ADGRL3: variants seen among roughly 807,000 people sequenced by gnomAD.
ADGRL3 encodes adhesion G protein-coupled receptor L3.
A neutral mutation model predicts 153.5 loss-of-function variants in ADGRL3; 62 were observed. The ratio of observed to expected loss-of-function variants is 0.40; its 90% CI spans 0.33 to 0.50. The LOEUF (loss-of-function observed/expected upper bound fraction) is 0.50, where lower values mean the gene tolerates loss of function less well. Among genes scored for constraint, ADGRL3 ranks in the 20% least tolerant of loss-of-function variants. The pLI is 0.47. For synonymous variants in ADGRL3, 710 were observed against 672.5 expected (o/e 1.06, Z -0.86); for missense variants, 1,641 against 1,859.4 (o/e 0.88, Z 2.16).
chr4:61,902,269 T>A (rs1214480561), intron 11 of ADGRL3, among the ~76,000 whole-genome samples: 1 of 152,074 alleles, frequency 6.6e-6, no homozygotes, highest in Non-Finnish European at 1.5e-5. Context: ...CAAGAATGGC[T>A]TTTGGTGACT....
intron 9 of ADGRL3, among the ~76,000 whole-genome samples, chr4:61,863,784 G>A (rs769880405): frequency 6.6e-6 from 1 of 152,180 alleles, no homozygotes; most frequent in Admixed American, 6.5e-5. Context: ...CAGCATGAGG[G>A]CAGTTTGAAG....
At chr4:61,992,155 GTAGA>G (rs934196699) in intron 19 of ADGRL3, among the ~76,000 whole-genome samples, 1 of 152,052 alleles carries the variant, frequency 6.6e-6, no homozygotes, top group Non-Finnish European at 1.5e-5. Context: ...ATGTTGCTAG[GTAGA>G]TAAAGGCAAT....
intron 5 of ADGRL3, among the ~76,000 whole-genome samples, chr4:61,657,495 A>C (rs753782873): frequency 2.0e-5 from 3 of 152,114 alleles, no homozygotes; most frequent in Non-Finnish European, 4.4e-5. Flanking sequence ...GAGTATGGGA[A>C]TTTTATTCAC....
chr4:61,972,772 G>T (rs570589433), intron 17 of ADGRL3, among the ~76,000 whole-genome samples: 1 of 152,100 alleles, frequency 6.6e-6, no homozygotes, highest in South Asian at 2.1e-4. Context: ...TCACAATATT[G>T]ATTCTTCCTA....
chr4:61,771,248 A>C (rs1294143907), intron 8 of ADGRL3, among the ~76,000 whole-genome samples: 1 of 152,178 alleles, frequency 6.6e-6, no homozygotes, highest in Non-Finnish European at 1.5e-5. Context: ...AAGTTCCCTT[A>C]TCTGCACAAA....
chr4:62,063,844 C>A (rs887697074), intron 25 of ADGRL3, among the ~76,000 whole-genome samples: 1 of 151,986 alleles, frequency 6.6e-6, no homozygotes, highest in African/African-American at 2.4e-5. Flanking sequence ...TAAACAAATG[C>A]CTGATTCATC....
intron 2 of ADGRL3, among the ~76,000 whole-genome samples, chr4:61,440,930 G>A (rs2097522580): frequency 6.6e-6 from 1 of 152,240 alleles, no homozygotes; most frequent in African/African-American, 2.4e-5. Context: ...GGACTTAGAG[G>A]TTAAATTATT....
At chr4:62,050,602 A>G (rs1733569085) in intron 25 of ADGRL3, among the ~76,000 whole-genome samples, 1 of 152,060 alleles carries the variant, frequency 6.6e-6, no homozygotes, top group Non-Finnish European at 1.5e-5. Context: ...TAAAGAAAAA[A>G]TGCAAATGAA....
At chr4:61,277,532 T>C (rs2093523061) in intron 1 of ADGRL3, among the ~76,000 whole-genome samples, 1 of 152,096 alleles carries the variant, frequency 6.6e-6, no homozygotes. Context: ...ATTATTTAGG[T>C]AGAGTCAGCA....
intron 1 of ADGRL3, among the ~76,000 whole-genome samples, chr4:61,250,761 T>C (rs1758925676): frequency 6.6e-6 from 1 of 152,198 alleles, no homozygotes; most frequent in East Asian, 1.9e-4. Flanking sequence ...TAACTCCAGG[T>C]AAATACTGGT....
In ADGRL3 at chr4:61,456,451, ATCTATATATATAGATATATCTATATC is replaced by A. The variant is rs1560665063; in HGVS notation, c.-173-40668_-173-40643del. ...TATCTATATATATAGATATATCTAT[ATCTATATATATAGATATATCTATATC>A]TATATATATAGATATATCTATATCT... On this transcript the variant is annotated intron_variant, in intron 2 of 26. Transcript: ENST00000683033. 2.8e-3 allele frequency among the ~76,000 whole-genome samples: 338 copies of A among 120,644 alleles called. 3 individuals carry two copies. Among genetic ancestry groups the A allele is most frequent in the Middle Eastern group, 4.3e-3 (1 of 234 alleles). The allele number at this position is 120,644 out of a possible 152,430, so 79.1% of individuals were successfully genotyped here.
chr4:62,028,264 T>G (rs1185277955), intron 21 of ADGRL3, among the ~76,000 whole-genome samples: 2 of 151,850 alleles, frequency 1.3e-5, no homozygotes, highest in Non-Finnish European at 2.9e-5. Flanking sequence ...GTATGTTTGT[T>G]CCTATTACTA....
At position 61,928,178 on chromosome 4, in the gene ADGRL3, A is replaced by T. The variant is rs181322393; in HGVS notation, c.2113-6662A>T. The stretch of plus-strand genomic sequence containing the variant: ...AATTTATATTACTAGGCCGTTTTTC[A>T]AAAGAGTTTAAGCAATTCATTAGTA... On this transcript the variant is annotated intron_variant, in intron 13 of 26. Coordinates refer to ENST00000683033, the MANE Select transcript of ADGRL3 (RefSeq NM_001387552.1). Among the ~76,000 whole-genome samples the T allele has an allele frequency of 2.5e-3, 383 of 152,186 alleles. 1 individual carries two copies. Among genetic ancestry groups the T allele is most frequent in the Middle Eastern group, 0.02 (6 of 294 alleles).
chr4:61,738,903 G>A (rs142181030), intron 8 of ADGRL3, among the ~76,000 whole-genome samples: 2,064 of 151,700 alleles, frequency 0.014, 45 homozygotes, highest in African/African-American at 0.047. Context: ...GAAAAAAATC[G>A]TTAATTGGCC....
intron 2 of ADGRL3, among the ~76,000 whole-genome samples, chr4:61,434,498 TA>T (rs972271670): frequency 2.6e-5 from 4 of 152,120 alleles, no homozygotes; most frequent in African/African-American, 7.2e-5. Flanking sequence ...CATGTAGTGC[TA>T]AAAATGAAAT....
At chr4:62,007,381 T>TATATAC (rs1553908589) in intron 21 of ADGRL3, among the ~76,000 whole-genome samples, 2 of 9,294 alleles carry the variant, frequency 2.2e-4, no homozygotes, top group African/African-American at 3.3e-4. Flanking sequence ...TATATATATA[T>TATATAC]ATACACACAC....
At position 61,332,033 on chromosome 4, in the gene ADGRL3, T is replaced by C. The variant is rs952529866; in HGVS notation, c.-239-51091T>C. ...GCTTCATTCCAAAAAAATTTTAAATTATTTGCTTTAAATACTCAATTTTGT... is the reference window on the plus strand; with the variant it reads ...GCTTCATTCCAAAAAAATTTTAAATCATTTGCTTTAAATACTCAATTTTGT... On this transcript the variant is annotated intron_variant, in intron 1 of 26. Coordinates refer to ENST00000683033, the MANE Select transcript of ADGRL3 (RefSeq NM_001387552.1). 3.3e-5 allele frequency among the ~76,000 whole-genome samples: 5 copies of C among 152,114 alleles called. No individual in the cohort carries two copies. In the East Asian group the frequency reaches 9.6e-4, roughly 29 times the overall value.
chr4:61,601,481 C>T (rs535978970), intron 5 of ADGRL3, among the ~76,000 whole-genome samples: 31 of 152,154 alleles, frequency 2.0e-4, no homozygotes, highest in Non-Finnish European at 3.1e-4. Context: ...CTATTAATTC[C>T]CATGGAGAAC....
chr4:61,907,371 A>T (rs1581405095), intron 11 of ADGRL3, among the ~76,000 whole-genome samples: 1 of 151,684 alleles, frequency 6.6e-6, no homozygotes, highest in East Asian at 1.9e-4. Flanking sequence ...CAATTTTCCT[A>T]CCTCAGTCTC....
Sources: gnomAD v4.1 joint callset for allele counts (sites outside exome capture counted in the v4.1 genomes callset) on GRCh38, gnomAD v4.1.1 for gene constraint, MANE v1.5 for transcripts, NCBI Gene and HGNC (gene_info 2026-07-23, HGNC 2026-07-21) for gene names.